The following PRKG1 variants were observed in gnomAD, a reference collection of about 807,000 sequenced individuals.
PRKG1 encodes cGMP-dependent protein kinase 1.
A neutral mutation model predicts 88.1 loss-of-function variants in PRKG1; 35 were observed. The observed-to-expected ratio is 0.40, with a 90% confidence interval of 0.30 to 0.53. The LOEUF (loss-of-function observed/expected upper bound fraction) is 0.53, where lower values mean the gene tolerates loss of function less well. Ranked by LOEUF, PRKG1 falls within the 20% of genes least tolerant of loss-of-function variation. PRKG1 has a pLI of 0.59. For missense variants in PRKG1, 540 were observed against 839.8 expected, an observed-to-expected ratio of 0.64 and a Z score of 4.41; for synonymous variants, 303 against 292.5, an observed-to-expected ratio of 1.04 and a Z score of -0.37.
intron 2 of PRKG1, among the ~76,000 whole-genome samples, chr10:51,212,983 A>C (rs535962482): frequency 6.6e-6 from 1 of 152,224 alleles, no homozygotes; most frequent in Non-Finnish European, 1.5e-5. Context: ...CCAAAGGATT[A>C]TAAATCATGC....
intron 1 of PRKG1, among the ~76,000 whole-genome samples, chr10:51,037,113 A>C (rs1381530363): frequency 6.6e-6 from 1 of 152,194 alleles, no homozygotes; most frequent in Non-Finnish European, 1.5e-5. Context: ...ACTTAGCCTT[A>C]AGAAGAGAAG....
At chr10:51,519,368 G>A (rs965482770) in intron 3 of PRKG1, among the ~76,000 whole-genome samples, 3 of 152,044 alleles carry the variant, frequency 2.0e-5, no homozygotes, top group Non-Finnish European at 2.9e-5. Context: ...CTGAAATCAT[G>A]CAATTAGTAA....
At chr10:52,032,136 G>C (rs2133211313) in intron 5 of PRKG1, among the ~76,000 whole-genome samples, 1 of 152,294 alleles carries the variant, frequency 6.6e-6, no homozygotes, top group East Asian at 1.9e-4. Context: ...TGATAGAAAT[G>C]AGTACACTGT....
At chr10:51,820,636 T>A (rs1465119588) in intron 4 of PRKG1, among the ~76,000 whole-genome samples, 1 of 152,168 alleles carries the variant, frequency 6.6e-6, no homozygotes, top group East Asian at 1.9e-4. Flanking sequence ...ATCTGGTTAT[T>A]CTTAGGCAGT....
chr10:51,938,364 A>C (rs747915165), intron 5 of PRKG1, among the ~76,000 whole-genome samples: 2 of 152,172 alleles, frequency 1.3e-5, no homozygotes, highest in Middle Eastern at 3.4e-3. Flanking sequence ...ATTTGGTACT[A>C]TCTGCAAGTT....
chr10:51,934,425 G>T (rs1030303491), intron 5 of PRKG1, among the ~76,000 whole-genome samples: 1 of 152,088 alleles, frequency 6.6e-6, no homozygotes. Context: ...TCACACTTTT[G>T]AAATCTATTG....
rs145003118 is a variant in PRKG1, at chr10:52,112,415, A to G, written c.936-21425A>G. ...CTTTGATTGTTAATTACAAAGCCCA[A>G]TTCAATCTAGTGTGACTCATAAAGG... On this transcript the variant is annotated intron_variant, in intron 7 of 17. Coordinates refer to ENST00000373980, the MANE Select transcript of PRKG1 (RefSeq NM_006258.4). Among the ~76,000 whole-genome samples, 93 of 152,262 alleles carry G rather than the reference A, an allele frequency of 6.1e-4. No individual in the cohort carries two copies. In the East Asian group the frequency reaches 0.018, roughly 29 times the overall value.
intron 7 of PRKG1, among the ~76,000 whole-genome samples, chr10:52,085,088 C>T (rs879303292): frequency 6.6e-6 from 1 of 152,078 alleles, no homozygotes; most frequent in Non-Finnish European, 1.5e-5. Flanking sequence ...AGGAACCACA[C>T]GACTGTCTCT....
rs1235144237 is a variant in PRKG1 at position 51,074,869 on chromosome 10, T to A, written c.279T>A (p.His93Gln). 2 of 1,612,736 alleles carry A rather than the reference T, an allele frequency of 1.2e-6. No individual in the cohort carries two copies. The highest frequency in any genetic ancestry group is 1.1e-5 in the South Asian group (1 of 90,908). The stretch of plus-strand genomic sequence containing the variant: ...CCTTCGACATCCAGGATCTCAGCCA[T>A]GTGACCCTGCCCTTCTACCCCAAGA... The part of the protein sequence containing the change: ...PTAFDIQDLS[H>Q]VTLPFYPKSP... The change falls in exon 1 of 18, where the codon CAT (histidine) becomes CAA (glutamine). Residue 93 changes from histidine to glutamine, a missense_variant. By Grantham distance (24) the His-to-Gln change is conservative. Coordinates refer to ENST00000373980, the MANE Select transcript of PRKG1 (RefSeq NM_006258.4).
intron 9 of PRKG1, among the ~76,000 whole-genome samples, chr10:52,162,446 C>T (rs866663693): frequency 1.1e-4 from 17 of 152,048 alleles, no homozygotes; most frequent in African/African-American, 2.7e-4. Flanking sequence ...AATACAATTC[C>T]GTCTACAAGA....
chr10:52,240,191 A>G (rs1413392005), intron 9 of PRKG1, among the ~76,000 whole-genome samples: 2 of 152,186 alleles, frequency 1.3e-5, no homozygotes, highest in African/African-American at 2.4e-5. Flanking sequence ...CAAGGTTCAC[A>G]TATTGTTAGT....
At chr10:51,766,011 G>A (rs1346208899) in intron 3 of PRKG1, among the ~76,000 whole-genome samples, 2 of 152,008 alleles carry the variant, frequency 1.3e-5, no homozygotes, top group East Asian at 3.9e-4. Flanking sequence ...TCACTTGCTT[G>A]CTGTGCCCTC....
chr10:51,183,313 A>G (rs968136258), intron 2 of PRKG1, among the ~76,000 whole-genome samples: 16 of 152,140 alleles, frequency 1.1e-4, no homozygotes, highest in African/African-American at 3.6e-4. Flanking sequence ...GAAGTGAATC[A>G]TTTTGCTTTT....
At chr10:51,166,496 C>T (rs1456258230) in intron 2 of PRKG1, among the ~76,000 whole-genome samples, 1 of 151,924 alleles carries the variant, frequency 6.6e-6, no homozygotes, top group Admixed American at 6.6e-5. Flanking sequence ...GATAAAGCTC[C>T]CAAGTAAATT....
At chr10:51,629,576 A>G (rs1416358388) in intron 3 of PRKG1, among the ~76,000 whole-genome samples, 2 of 152,080 alleles carry the variant, frequency 1.3e-5, no homozygotes, top group Non-Finnish European at 2.9e-5. Flanking sequence ...GATGTTGGAA[A>G]TGGAAGCAGG....
chr10:51,617,178 G>C (rs910107942), intron 3 of PRKG1, among the ~76,000 whole-genome samples: 6 of 152,010 alleles, frequency 3.9e-5, no homozygotes, highest in Non-Finnish European at 7.4e-5. Flanking sequence ...TAGACCACTG[G>C]GGGTCTTTCA....
At chr10:51,953,355 G>A (rs1423301853) in intron 5 of PRKG1, among the ~76,000 whole-genome samples, 1 of 149,016 alleles carries the variant, frequency 6.7e-6, no homozygotes, top group Non-Finnish European at 1.5e-5. Context: ...CTTTTAAAGT[G>A]TGAGAAACAA....
At position 51,422,083 on chromosome 10, in the gene PRKG1, A is replaced by G. The variant is rs559377475; in HGVS notation, c.479-45640A>G. On this transcript the variant is annotated intron_variant, in intron 2 of 17. Transcript: ENST00000373980. ...CCTTGAGTGGAGAAGAGATAATGAAAAGGCAAGTTCAGTTCATCTACTTAC... is the reference window on the plus strand; with the variant it reads ...CCTTGAGTGGAGAAGAGATAATGAAGAGGCAAGTTCAGTTCATCTACTTAC... 2.0e-5 allele frequency among the ~76,000 whole-genome samples: 3 copies of G among 152,324 alleles called. No homozygotes were observed. The South Asian group carries it at 6.2e-4, about 32-fold the overall frequency.
intron 1 of PRKG1, 101 bp from the exon 2 acceptor site, chr10:51,153,063 A>G: frequency 2.3e-6 from 2 of 882,084 alleles, no homozygotes; most frequent in Non-Finnish European, 3.2e-6. Context: ...ACAAGAAAAT[A>G]CATTTGTGGT....
Sources: allele counts gnomAD v4.1 joint callset (sites outside exome capture counted in the v4.1 genomes callset), GRCh38; gene constraint gnomAD v4.1.1; transcripts MANE v1.5; gene names NCBI Gene and HGNC (gene_info 2026-07-23, HGNC 2026-07-21).